Variants in DIABLO observed in about 807,000 individuals in gnomAD.
DIABLO encodes diablo homolog, mitochondrial.
A neutral mutation model predicts 31.7 loss-of-function variants in DIABLO; 32 were observed. The observed-to-expected ratio is 1.01, with a 90% confidence interval of 0.76 to 1.35. The LOEUF (loss-of-function observed/expected upper bound fraction) is 1.35. DIABLO is among the 40% of genes most tolerant of loss of function. The pLI, the probability that DIABLO is intolerant of heterozygous loss-of-function variation, is 0.00. For synonymous variants in DIABLO, 132 were observed against 103.2 expected, an observed-to-expected ratio of 1.28 and a Z score of -1.69; for missense variants, 316 against 286.4, an observed-to-expected ratio of 1.10 and a Z score of -0.75.
At chr12:122,211,165 T>C (rs1954080792) in intron 5 of DIABLO, among the ~76,000 whole-genome samples, 1 of 137,642 alleles carries the variant, frequency 7.3e-6, no homozygotes, top group Non-Finnish European at 1.5e-5. Flanking sequence ...TTTGGGAGGC[T>C]GAGGCAGGTG....
intron 1 of DIABLO, 123 bp downstream of exon 1, chr12:122,225,842 G>T: frequency 6.6e-7 from 1 of 1,522,680 alleles, no homozygotes; most frequent in Admixed American, 2.0e-5. Context: ...GAGACGCCGC[G>T]ACCCAGCTGG....
At chr12:122,222,767 C>T (rs1168113610) in intron 2 of DIABLO, among the ~76,000 whole-genome samples, 2 of 152,068 alleles carry the variant, frequency 1.3e-5, no homozygotes, top group Admixed American at 6.5e-5. Context: ...ATCCCTCGCA[C>T]GTGTAGTTCA....
chr12:122,209,753 G>T, intron 5 of DIABLO: 1 of 703,144 alleles, frequency 1.4e-6, no homozygotes, highest in Non-Finnish European at 2.6e-6. Context: ...CAATTCGTCT[G>T]TAGAACATTT....
chr12:122,226,129 A>C, upstream of DIABLO: 1 of 1,444,698 alleles, frequency 6.9e-7, no homozygotes, highest in Non-Finnish European at 9.4e-7. Context: ...GCCCCCACCC[A>C]AGGAAGCAGT....
chr12:122,207,760 A>ACCT lies in DIABLO; in HGVS notation c.*620_*621insAGG. 2.1e-6 allele frequency: 1 copy of ACCT among 479,934 alleles called. No individual in the cohort carries two copies. Among genetic ancestry groups the ACCT allele is most frequent in the Non-Finnish European group, 4.1e-6 (1 of 244,606 alleles). 29.7% of individuals were successfully genotyped at this position (479,934 alleles called of 1,614,324 possible). On this transcript the variant is annotated 3_prime_UTR_variant, in exon 6 of 6. Coordinates refer to ENST00000464942, the MANE Select transcript of DIABLO (RefSeq NM_001371333.1). The stretch of plus-strand genomic sequence containing the variant: ...TAGAGAAACGGAAAGAAAGGAAGGA[A>ACCT]CAAGAGGCCTGTGTTAAGTCCTGTT...
intron 5 of DIABLO, chr12:122,209,566 G>C (rs1355290085): frequency 2.4e-5 from 13 of 545,586 alleles, no homozygotes; most frequent in South Asian, 1.5e-4. Context: ...TTGGGAGCCT[G>C]AAGCAGGAGA....
intron 1 of DIABLO, chr12:122,225,738 G>A (rs963122684): frequency 1.5e-5 from 22 of 1,431,328 alleles, no homozygotes; most frequent in Non-Finnish European, 1.8e-5. Context: ...GGGGTCTCGG[G>A]GACTCGTTTC....
At position 122,208,313 on chromosome 12, in the gene DIABLO, C is replaced by T; in HGVS notation, c.*68G>A. 9 of 1,566,676 alleles carry T rather than the reference C, an allele frequency of 5.7e-6. No individual in the cohort carries two copies. The highest frequency in any genetic ancestry group is 7.9e-6 in the Non-Finnish European group (9 of 1,145,592). On this transcript the variant is annotated 3_prime_UTR_variant, in exon 6 of 6. Transcript: ENST00000464942. ...CGGTGCACAGACAGTCATGCCAACC[C>T]TGGGCAGGGTGGCATCTGCCCCTGC...
chr12:122,212,278 C>T (rs555914376), intron 5 of DIABLO, among the ~76,000 whole-genome samples: 1 of 152,282 alleles, frequency 6.6e-6, no homozygotes, highest in African/African-American at 2.4e-5. Flanking sequence ...CATGTTTTCA[C>T]TTTCCCAAAT....
intron 2 of DIABLO, chr12:122,221,947 T>A (rs1954342806): frequency 6.6e-6 from 1 of 152,202 alleles, no homozygotes; most frequent in Non-Finnish European, 1.5e-5. Context: ...AGATGACAAC[T>A]GAAGTGAGGC....
Position 122,208,433 on chromosome 12 carries a change from TCCTC to T in DIABLO, c.664_667del (p.Glu222LysfsTer44). On this transcript the variant is annotated frameshift_variant, in exon 6 of 6. Transcript: ENST00000464942. LOFTEE classifies it high-confidence loss of function. Reference sequence around the variant, plus strand: ...CTCCGACTCAGCCCGCTCCTCCCCTTCCTCCTGTGTTTTCTGACGGAGCTCTTCT... The same window carrying T: ...CTCCGACTCAGCCCGCTCCTCCCCTTCTGTGTTTTCTGACGGAGCTCTTCT... 1 of 1,613,836 alleles carries T rather than the reference TCCTC, an allele frequency of 6.2e-7. No individual in the cohort carries two copies. The highest frequency in any genetic ancestry group is 8.5e-7 in the Non-Finnish European group (1 of 1,179,986).
At chr12:122,225,221 C>CAAAAA in intron 1 of DIABLO, 1 of 206,316 alleles carries the variant, frequency 4.8e-6, no homozygotes, top group Admixed American at 6.1e-5. Flanking sequence ...TCAAACAAAA[C>CAAAAA]AAAAAGAAAA....
Position 122,216,970 on chromosome 12 carries a change from A to G in DIABLO, c.316-101T>C, listed in dbSNP as rs192119948. ...AGGAAATTAAGTCCCATTACAGCAA[A>G]CTGGCTCTTCCATCCTGCTGCCTCA... On this transcript the variant is annotated intron_variant, in intron 3 of 5. Coordinates refer to ENST00000464942, the MANE Select transcript of DIABLO (RefSeq NM_001371333.1). 1,136 of 965,636 alleles carry G rather than the reference A, an allele frequency of 1.2e-3. 9 individuals carry two copies. The African/African-American group carries it at 0.014, about 12-fold the overall frequency. 59.8% of individuals were successfully genotyped at this position (965,636 alleles called of 1,614,324 possible).
intron 5 of DIABLO, 97 bp from the exon 6 acceptor site, chr12:122,208,674 C>A: frequency 7.8e-7 from 1 of 1,276,482 alleles, no homozygotes; most frequent in Non-Finnish European, 1.1e-6. Context: ...TCATCTGAAC[C>A]CCTCTTGGGG....
At chr12:122,225,809 T>C in intron 1 of DIABLO, 156 bp downstream of exon 1, 1 of 1,482,762 alleles carries the variant, frequency 6.7e-7, no homozygotes, top group Non-Finnish European at 9.0e-7. Flanking sequence ...GGCGGGGCTG[T>C]CCTCAGTCCT....
intron 2 of DIABLO, among the ~76,000 whole-genome samples, 200 bp downstream of exon 2, chr12:122,224,312 G>C (rs982910385): frequency 2.8e-4 from 42 of 151,912 alleles, no homozygotes; most frequent in African/African-American, 4.6e-4. Flanking sequence ...TATACAATTT[G>C]ATGTGCTGTT....
intron 5 of DIABLO, among the ~76,000 whole-genome samples, chr12:122,215,528 C>G (rs1218977381): frequency 6.6e-6 from 1 of 152,124 alleles, no homozygotes; most frequent in Non-Finnish European, 1.5e-5. Flanking sequence ...CACTTGAACC[C>G]AGGAGGTGGA....
chr12:122,211,018 C>T (rs984217182), intron 5 of DIABLO, among the ~76,000 whole-genome samples: 7 of 143,570 alleles, frequency 4.9e-5, no homozygotes, highest in African/African-American at 1.0e-4. Context: ...ACAGCATTCC[C>T]GCATGGACCC....
At chr12:122,225,343 CG>C (rs1332048245) in intron 1 of DIABLO, 2 of 933,064 alleles carry the variant, frequency 2.1e-6, no homozygotes, top group Non-Finnish European at 1.3e-6. Flanking sequence ...GCTGAGATCT[CG>C]CCACTGCACT....
Sources: gnomAD v4.1 joint callset for allele counts (sites outside exome capture counted in the v4.1 genomes callset) on GRCh38, gnomAD v4.1.1 for gene constraint, MANE v1.5 for transcripts, NCBI Gene and HGNC (gene_info 2026-07-23, HGNC 2026-07-21) for gene names.